Variants in MTMR1 observed in about 807,000 individuals in gnomAD.
MTMR1 encodes the protein phosphatidylinositol-3-phosphate phosphatase MTMR1.
Under a neutral mutation model 51.6 loss-of-function variants are expected in MTMR1, and 17 were observed. The observed-to-expected ratio is 0.33, with a 90% CI of 0.23 to 0.49. MTMR1 has a LOEUF of 0.49. Among genes scored for constraint, MTMR1 ranks in the 20% least tolerant of loss-of-function variants. MTMR1 has a pLI of 0.99. For synonymous variants in MTMR1, 201 were observed against 205.6 expected (o/e 0.98, Z 0.19); for missense variants, 386 against 526.9 (o/e 0.73, Z 2.62).
At chrX:150,735,689 T>C in intron 10 of MTMR1, 1 of 348,457 alleles carries the variant, frequency 2.9e-6, no homozygotes, top group Non-Finnish European at 4.9e-6. Context: ...GAATTGTATA[T>C]ATTTATGGTG....
rs72612722 is a variant in MTMR1 at position 150,724,172 on chromosome X, G to A, written c.353-3043G>A. The stretch of plus-strand genomic sequence containing the variant: ...GAATCACCACACTGCTTTCCACAAC[G>A]GTTGAACTAATTTACACTCCTACCA... On this transcript the variant is annotated intron_variant, in intron 4 of 15. Transcript: ENST00000445323. Among the ~76,000 whole-genome samples, 176 of 111,254 alleles carry A rather than the reference G, an allele frequency of 1.6e-3. 1 individual carries two copies. The East Asian group carries it at 0.033, about 21-fold the overall frequency.
intron 2 of MTMR1, among the ~76,000 whole-genome samples, chrX:150,701,598 G>GTCA (rs782035130): frequency 1.2e-4 from 13 of 111,697 alleles, no homozygotes; most frequent in East Asian, 2.8e-4. Context: ...ATGGTTCTAT[G>GTCA]TCATCATCAT....
chrX:150,761,029 C>T (rs1428694964), intron 15 of MTMR1, among the ~76,000 whole-genome samples: 2 of 111,125 alleles, frequency 1.8e-5, no homozygotes, highest in Non-Finnish European at 3.8e-5. Flanking sequence ...AGTGCTGGGT[C>T]TGCCCTGGGT....
intron 10 of MTMR1, chrX:150,735,590 C>T (rs781875197): frequency 1.6e-5 from 7 of 430,279 alleles, no homozygotes; most frequent in Non-Finnish European, 2.9e-5. Flanking sequence ...GGACTTCTGC[C>T]TCACACCCTG....
At chrX:150,725,480 A>G (rs1224468969) in intron 4 of MTMR1, among the ~76,000 whole-genome samples, 1 of 111,683 alleles carries the variant, frequency 9.0e-6, no homozygotes, top group Non-Finnish European at 1.9e-5. Context: ...GGTCGAGACT[A>G]TGGGGTTTTT....
intron 14 of MTMR1, among the ~76,000 whole-genome samples, chrX:150,751,940 G>A: frequency 1.2e-5 from 1 of 82,024 alleles, no homozygotes. Flanking sequence ...TTTTTTGACG[G>A]CGTTTTGTTC....
intron 3 of MTMR1, among the ~76,000 whole-genome samples, chrX:150,718,071 G>GACAC (rs782098677): frequency 2.7e-5 from 3 of 111,269 alleles, no homozygotes; most frequent in Non-Finnish European, 3.8e-5. Context: ...AGCACACACA[G>GACAC]ACACACACAC....
intron 3 of MTMR1, chrX:150,712,677 T>A (rs1557416258): frequency 7.7e-6 from 2 of 260,200 alleles, no homozygotes. Flanking sequence ...GTTATAAGGC[T>A]GGGGCTACTG....
chrX:150,702,226 C>T (rs782086734), intron 2 of MTMR1, among the ~76,000 whole-genome samples: 5 of 109,828 alleles, frequency 4.6e-5, no homozygotes, highest in Non-Finnish European at 9.5e-5. Flanking sequence ...CCAGCCTCAT[C>T]CACTGTTTTT....
At chrX:150,753,032 C>T (rs1052604860) in intron 14 of MTMR1, among the ~76,000 whole-genome samples, 1 of 111,582 alleles carries the variant, frequency 9.0e-6, no homozygotes, top group Non-Finnish European at 1.9e-5. Context: ...CCCTAGCAAC[C>T]ATCAATCTGC....
Position 150,699,316 on chromosome X carries a change from T to C in MTMR1, c.252+16T>C. On this transcript the variant is annotated intron_variant, in intron 2 of 15. Transcript: ENST00000445323. ...AGATTACAAGGTAAGCAACATTGAG[T>C]GTTTAATTCATTTTCAGTATGCTAA... 5.5e-6 allele frequency: 6 copies of C among 1,094,358 alleles called. No individual in the cohort carries two copies. The highest frequency in any genetic ancestry group is 7.5e-6 in the Non-Finnish European group (6 of 801,794). 90.2% of individuals were successfully genotyped at this position (1,094,358 alleles called of 1,213,427 possible).
At chrX:150,694,073 C>A (rs2040585128) in intron 1 of MTMR1, among the ~76,000 whole-genome samples, 1 of 111,683 alleles carries the variant, frequency 9.0e-6, no homozygotes, top group Non-Finnish European at 1.9e-5. Context: ...TCTAGCATCA[C>A]CTTGCCTCGT....
chrX:150,754,035 G>T (rs2042831922), intron 14 of MTMR1, among the ~76,000 whole-genome samples: 1 of 112,766 alleles, frequency 8.9e-6, no homozygotes, highest in Non-Finnish European at 1.9e-5. Flanking sequence ...ATTCTTTTGT[G>T]TGTTGGCTAT....
chrX:150,752,635 T>G (rs1337959293), intron 14 of MTMR1, among the ~76,000 whole-genome samples: 6 of 101,737 alleles, frequency 5.9e-5, no homozygotes, highest in Non-Finnish European at 2.0e-5. Context: ...TTTTTTTTTT[T>G]TTTTTTTTTT....
chrX:150,698,751 C>G lies in MTMR1; in HGVS notation c.147-444C>G, dbSNP rs896239962. On this transcript the variant is annotated intron_variant, in intron 1 of 15. Transcript: ENST00000445323. ...AAAAGCCGGGCCTGGTGGCATGTGC[C>G]TGTAGTCCCAGCTACATAGGAGGCT... Among the ~76,000 whole-genome samples, 63 of 107,845 alleles carry G rather than the reference C, an allele frequency of 5.8e-4. 1 individual carries two copies. Among genetic ancestry groups the G allele is most frequent in the Admixed American group, 1.5e-3 (15 of 10,145 alleles). The allele number at this position is 107,845 out of a possible 115,157, so 93.7% of individuals were successfully genotyped here.
intron 2 of MTMR1, among the ~76,000 whole-genome samples, chrX:150,711,660 C>T (rs1557416220): frequency 8.9e-6 from 1 of 112,404 alleles, no homozygotes; most frequent in Admixed American, 9.4e-5. Flanking sequence ...TGGGCTTTCC[C>T]TCCTCTCCGG....
chrX:150,721,222 G>A (rs782646411), intron 4 of MTMR1, among the ~76,000 whole-genome samples: 18 of 111,772 alleles, frequency 1.6e-4, no homozygotes, highest in East Asian at 1.4e-3. Flanking sequence ...GAAGTTTTAC[G>A]TCAATATTCA....
At chrX:150,758,805 A>T (rs1433640760) in intron 15 of MTMR1, among the ~76,000 whole-genome samples, 2 of 111,439 alleles carry the variant, frequency 1.8e-5, no homozygotes, top group African/African-American at 6.5e-5. Context: ...CAAAAAAAAA[A>T]AAAAAAATTA....
chrX:150,719,323 C>T (rs1427654798), intron 4 of MTMR1, among the ~76,000 whole-genome samples: 1 of 111,555 alleles, frequency 9.0e-6, no homozygotes, highest in Non-Finnish European at 1.9e-5. Flanking sequence ...TTCCTTCTTC[C>T]ATCATGGCTT....
Sources: allele counts gnomAD v4.1 joint callset (sites outside exome capture counted in the v4.1 genomes callset), GRCh38; gene constraint gnomAD v4.1.1; transcripts MANE v1.5; gene names NCBI Gene and HGNC (gene_info 2026-07-23, HGNC 2026-07-21).